SNAI3: variants seen among roughly 807,000 people sequenced by gnomAD.
SNAI3 encodes zinc finger protein SNAI3.
A neutral mutation model predicts 16.4 loss-of-function variants in SNAI3; 21 were observed. That is an observed-to-expected ratio of 1.28 (90% CI 0.91 to 1.85). The LOEUF (loss-of-function observed/expected upper bound fraction) is 1.85, where lower values mean the gene tolerates loss of function less well. Among genes scored for constraint, SNAI3 ranks in the 40% most tolerant of loss-of-function variants. The pLI is 0.00. For missense variants in SNAI3, 457 were observed against 372.8 expected, an observed-to-expected ratio of 1.23 and a Z score of -1.86; for synonymous variants, 202 against 166.6, an observed-to-expected ratio of 1.21 and a Z score of -1.64.
At position 88,678,414 on chromosome 16, in the gene SNAI3, A is replaced by T. The variant is rs1445821761; in HGVS notation, c.*34T>A. The T allele has an allele frequency of 1.4e-6, 1 of 733,732 alleles. No homozygotes were observed. Among genetic ancestry groups the T allele is most frequent in the Non-Finnish European group, 2.5e-6 (1 of 400,158 alleles). The allele number at this position is 733,732 out of a possible 1,614,324, so 45.5% of individuals were successfully genotyped here. On this transcript the variant is annotated 3_prime_UTR_variant, in exon 3 of 3. Transcript: ENST00000332281. The stretch of plus-strand genomic sequence containing the variant: ...AGGGACGCCAGCTCTCCCGGTGAGG[A>T]CCATCCCTCCTACCTGCGCCGACCA...
intron 1 of SNAI3, 122 bp downstream of exon 1, chr16:88,686,209 G>A (rs2142951245): frequency 7.9e-7 from 1 of 1,272,706 alleles, no homozygotes; most frequent in African/African-American, 1.5e-5. Flanking sequence ...CAGAGGCGCT[G>A]GCTCCTTCTC....
rs777179479 is a variant in SNAI3 at position 88,681,387 on chromosome 16, G to A, written c.404C>T (p.Ala135Val). The change falls in exon 2 of 3, where the codon GCT (alanine) becomes GTT (valine). Residue 135 changes from alanine (A) to valine (V), a missense_variant. By Grantham distance (64) the Ala-to-Val change is moderately conservative. Coordinates refer to ENST00000332281, the MANE Select transcript of SNAI3 (RefSeq NM_178310.4). This position sits in a 1 kb window ranked among gnomAD's most constrained non-coding sequence, Gnocchi z 5.4. ...CTCAGCCCCAAGCAGTTTTTCCGGAGCCCCGTGCCGGTCTGGGCCCAAGGT... is the reference window on the plus strand; with the variant it reads ...CTCAGCCCCAAGCAGTTTTTCCGGAACCCCGTGCCGGTCTGGGCCCAAGGT... Reference protein sequence around the residue: ...SPTLGPDRHGAPEKLLGAERM... With the variant: ...SPTLGPDRHGVPEKLLGAERM... 3 of 1,612,366 alleles carry A rather than the reference G, an allele frequency of 1.9e-6. No individual in the cohort carries two copies. The highest frequency in any genetic ancestry group is 2.7e-5 in the African/African-American group (2 of 74,916).
chr16:88,679,422 A>T lies in SNAI3; in HGVS notation c.698-793T>A, dbSNP rs144330891. On this transcript the variant is annotated intron_variant, in intron 2 of 2. Transcript: ENST00000332281. ...AGGTGTGACTCAGAGGGTCCCAGTC[A>T]CAAAAGTCATGACTTAGGGGGTAGG... 8.1e-3 allele frequency among the ~76,000 whole-genome samples: 1,228 copies of T among 152,348 alleles called. 8 individuals are homozygous for T. Among genetic ancestry groups the T allele is most frequent in the Non-Finnish European group, 0.015 (998 of 68,024 alleles).
In SNAI3 at chr16:88,681,339, C is replaced by T. The variant is rs766794910; in HGVS notation, c.452G>A (p.Gly151Asp). 7 of 1,612,924 alleles carry T rather than the reference C, an allele frequency of 4.3e-6. No individual in the cohort carries two copies. The highest frequency in any genetic ancestry group is 5.1e-6 in the Non-Finnish European group (6 of 1,179,734). The change falls in exon 2 of 3, where the codon GGC becomes GAC. Residue 151 changes from glycine (G) to aspartate (D), a missense_variant. Coordinates refer to ENST00000332281, the MANE Select transcript of SNAI3 (RefSeq NM_178310.4). The surrounding 1 kb of genome is among the most constrained non-coding windows in gnomAD (Gnocchi z 5.4). Reference sequence around the variant, plus strand: ...TTTGTGGCAGTGGAAGCACTCAAAGCCGCCCGGGGCTCGGGGCATCCGCTC... The same window carrying T: ...TTTGTGGCAGTGGAAGCACTCAAAGTCGCCCGGGGCTCGGGGCATCCGCTC... ...GAERMPRAPG[G>D]FECFHCHKPY...
chr16:88,678,700 A>G, intron 2 of SNAI3, 71 bp from the exon 3 acceptor site: 2 of 1,521,570 alleles, frequency 1.3e-6, no homozygotes, highest in South Asian at 1.3e-5. Flanking sequence ...CACCCTGCCC[A>G]TCAATGGATA....
Position 88,678,433 on chromosome 16 carries a change from C to A in SNAI3, c.*15G>T. 1.3e-6 allele frequency: 1 copy of A among 759,668 alleles called. No homozygotes were observed. Among genetic ancestry groups the A allele is most frequent in the Non-Finnish European group, 2.4e-6 (1 of 413,250 alleles). The allele number at this position is 759,668 out of a possible 1,614,324, so 47.1% of individuals were successfully genotyped here. On this transcript the variant is annotated 3_prime_UTR_variant, in exon 3 of 3. Coordinates refer to ENST00000332281, the MANE Select transcript of SNAI3 (RefSeq NM_178310.4). ...GTGAGGACCATCCCTCCTACCTGCG[C>A]CGACCACGTGCCTCTCAGGGGCCCG...
At chr16:88,684,144 C>T (rs780866692) in intron 1 of SNAI3, among the ~76,000 whole-genome samples, 3 of 152,206 alleles carry the variant, frequency 2.0e-5, no homozygotes, top group East Asian at 1.9e-4. Flanking sequence ...CCAGAAGTGA[C>T]GGCAATGACA....
chr16:88,679,929 A>C (rs1206388154), intron 2 of SNAI3, among the ~76,000 whole-genome samples: 1 of 151,798 alleles, frequency 6.6e-6, no homozygotes, highest in Non-Finnish European at 1.5e-5. Flanking sequence ...AATAATTTAA[A>C]AATTGGCTGG....
intron 1 of SNAI3, among the ~76,000 whole-genome samples, chr16:88,684,258 CT>C (rs1567628035): frequency 2.0e-5 from 3 of 152,208 alleles, no homozygotes; most frequent in African/African-American, 7.2e-5. Flanking sequence ...GTCACCATTT[CT>C]TTTTTCCATC....
At chr16:88,678,653 G>A (rs774157720) in intron 2 of SNAI3, 24 bp from the exon 3 acceptor site, 2 of 1,502,114 alleles carry the variant, frequency 1.3e-6, no homozygotes, top group Non-Finnish European at 1.8e-6. Context: ...GCGGCGGCCA[G>A]TGACACCATG....
In SNAI3 at chr16:88,678,480, G is replaced by A; in HGVS notation, c.847C>T (p.His283Tyr). The change falls in exon 3 of 3, where the codon CAT (histidine) becomes TAT (tyrosine). Residue 283 changes from histidine to tyrosine, a missense_variant. His to Tyr is a moderately conservative substitution (Grantham distance 83). Coordinates refer to ENST00000332281, the MANE Select transcript of SNAI3 (RefSeq NM_178310.4). ...TFSRMSLLAR[H>Y]EESGCCPGP is the part of the protein sequence containing the mutation. The stretch of plus-strand genomic sequence containing the variant: ...CCCGGGCAGCAGCCAGACTCCTCAT[G>A]CCGCGCCAGGAGGGACATGCGGGAG... 1 of 778,096 alleles carries A rather than the reference G, an allele frequency of 1.3e-6. No individual in the cohort carries two copies. Among genetic ancestry groups the A allele is most frequent in the East Asian group, 2.4e-5 (1 of 41,252 alleles). 48.2% of individuals were successfully genotyped at this position (778,096 alleles called of 1,614,324 possible).
chr16:88,679,889 G>A (rs538559161), intron 2 of SNAI3, among the ~76,000 whole-genome samples: 2 of 151,930 alleles, frequency 1.3e-5, no homozygotes, highest in African/African-American at 4.8e-5. Flanking sequence ...AGACCAGCCT[G>A]GGCAACATAG....
chr16:88,683,230 C>A (rs1472416570), intron 1 of SNAI3, among the ~76,000 whole-genome samples: 1 of 150,724 alleles, frequency 6.6e-6, no homozygotes, highest in East Asian at 2.0e-4. Flanking sequence ...GTAGCTGGGA[C>A]TACAGGTGTG....
Position 88,686,264 on chromosome 16 carries a change from C to CCT in SNAI3, c.76+65_76+66dup, listed in dbSNP as rs371150549. On this transcript the variant is annotated intron_variant, in intron 1 of 2. Coordinates refer to ENST00000332281, the MANE Select transcript of SNAI3 (RefSeq NM_178310.4). ...TCTCCCCAGCCCCCGCTCCCAGGGG[C>CCT]CTCTCTCTCTCTCCCGCCCCTCAGG... The CCT allele has an allele frequency of 2.5e-3, 3,514 of 1,396,942 alleles. 59 individuals are homozygous for CCT. In the African/African-American group the frequency reaches 0.043, roughly 17 times the overall value. The allele number at this position is 1,396,942 out of a possible 1,614,324, so 86.5% of individuals were successfully genotyped here.
chr16:88,679,527 C>T (rs371231110), intron 2 of SNAI3, among the ~76,000 whole-genome samples: 9 of 151,926 alleles, frequency 5.9e-5, no homozygotes, highest in South Asian at 4.2e-4. Flanking sequence ...TTTGGGAGGC[C>T]GAGGCGGGTG....
Position 88,681,533 on chromosome 16 carries a change from G to A in SNAI3, c.258C>T (p.Asp86=), listed in dbSNP as rs538735472. 1.9e-5 allele frequency: 29 copies of A among 1,524,916 alleles called. No individual in the cohort carries two copies. Among genetic ancestry groups the A allele is most frequent in the Middle Eastern group, 1.8e-4 (1 of 5,614 alleles). The allele number at this position is 1,524,916 out of a possible 1,614,324, so 94.5% of individuals were successfully genotyped here. Residue 86 remains aspartate, a synonymous_variant, in exon 2 of 3, where the codon GAC becomes GAT. Coordinates refer to ENST00000332281, the MANE Select transcript of SNAI3 (RefSeq NM_178310.4). This position sits in a 1 kb window ranked among gnomAD's most constrained non-coding sequence, Gnocchi z 5.4. ...IEEALGASGL[D]ALEVSEVDPR... ...GGTCGACCTCGCTGACTTCCAAGGC[G>A]TCCAGCCCAGAGGCCCCCAGAGCTT...
chr16:88,678,982 G>A (rs1909070702), intron 2 of SNAI3: 1 of 985,334 alleles, frequency 1.0e-6, no homozygotes, highest in Admixed American at 6.1e-5. Flanking sequence ...CAGGGCAGGG[G>A]CAGAGCTGTG....
chr16:88,682,044 C>G (rs554059040), intron 1 of SNAI3, among the ~76,000 whole-genome samples: 1 of 152,306 alleles, frequency 6.6e-6, no homozygotes, highest in East Asian at 1.9e-4. Flanking sequence ...AAAGGAGGGC[C>G]CTTTACGCCT....
chr16:88,680,474 CAG>C (rs527448589), intron 2 of SNAI3, among the ~76,000 whole-genome samples: 186 of 152,048 alleles, frequency 1.2e-3, no homozygotes, highest in African/African-American at 4.4e-3. Context: ...TTAGCAGAGA[CAG>C]AGTTTCATAT....
Sources: gnomAD v4.1 joint callset for allele counts (sites outside exome capture counted in the v4.1 genomes callset) on GRCh38, gnomAD v4.1.1 for gene constraint, Gnocchi (gnomAD v3.1) non-coding constraint, MANE v1.5 for transcripts, NCBI Gene and HGNC (gene_info 2026-07-23, HGNC 2026-07-21) for gene names.